The following IFT43 variants were observed in gnomAD, a reference collection of about 807,000 sequenced individuals.
The protein encoded by IFT43 is intraflagellar transport 43, also known as intraflagellar transport protein 43 homolog.
IFT43 carries 33 observed loss-of-function variants against 32.3 expected under a neutral mutation model. That is an observed-to-expected ratio of 1.02 (90% confidence interval 0.77 to 1.37). IFT43 has a LOEUF of 1.37. Ranked by LOEUF, IFT43 falls within the 40% of genes most tolerant of loss-of-function variation. The probability of loss-of-function intolerance (pLI) is 0.00; values close to 1 mark genes in which losing one functional copy is unlikely to be tolerated. For synonymous variants in IFT43, 93 were observed against 98.2 expected (o/e 0.95, Z 0.31); for missense variants, 274 against 265.9 (o/e 1.03, Z -0.21).
intron 5 of IFT43, among the ~76,000 whole-genome samples, chr14:76,067,999 G>A (rs2037255855): frequency 6.6e-6 from 1 of 152,208 alleles, no homozygotes; most frequent in Non-Finnish European, 1.5e-5. Context: ...CTGCTCTGAA[G>A]GAGCACAGAA....
intron 2 of IFT43, among the ~76,000 whole-genome samples, chr14:76,009,905 A>C (rs935732783): frequency 3.9e-5 from 6 of 151,926 alleles, no homozygotes; most frequent in African/African-American, 1.2e-4. Flanking sequence ...AGCGATTCTC[A>C]TGCCTCAGCC....
At chr14:76,062,089 T>G (rs10130325) in intron 5 of IFT43, among the ~76,000 whole-genome samples, 115,178 of 130,716 alleles carry the variant, frequency 0.88, 50,640 homozygotes, top group African/African-American at 0.95. Context: ...TTTTTTTTTT[T>G]AAACAGAGTC....
chr14:76,081,417 C>T (rs530515869), intron 5 of IFT43, among the ~76,000 whole-genome samples: 9 of 152,296 alleles, frequency 5.9e-5, no homozygotes, highest in Admixed American at 2.0e-4. Context: ...CACCCCTGAC[C>T]GTTTAAAACA....
In IFT43 at chr14:76,083,302, C is replaced by T; in HGVS notation, c.507+13C>T. On this transcript the variant is annotated intron_variant, in intron 8 of 8. Coordinates refer to ENST00000314067, the MANE Select transcript of IFT43 (RefSeq NM_001102564.3). ...CGAAGTCCGGGAGGTACAGTGGTGG[C>T]AGCAATTCCCCGGTCTCTCAGCTCT... The T allele has an allele frequency of 6.2e-7, 1 of 1,611,344 alleles. No individual in the cohort carries two copies. Among genetic ancestry groups the T allele is most frequent in the Admixed American group, 1.7e-5 (1 of 60,018 alleles).
chr14:76,036,752 A>G (rs927174090), intron 3 of IFT43, among the ~76,000 whole-genome samples: 5 of 147,972 alleles, frequency 3.4e-5, no homozygotes, highest in African/African-American at 1.2e-4. Context: ...AACAATCACC[A>G]CCCCCCTATG....
At chr14:76,059,653 A>C in intron 5 of IFT43, 1 of 462,850 alleles carries the variant, frequency 2.2e-6, no homozygotes, top group Non-Finnish European at 4.0e-6. Context: ...TCCCTCTCTC[A>C]CTGGATGTTC....
intron 2 of IFT43, among the ~76,000 whole-genome samples, chr14:75,995,946 C>T (rs755401138): frequency 2.0e-5 from 3 of 152,112 alleles, no homozygotes; most frequent in South Asian, 2.1e-4. Context: ...TCCCTGGGGC[C>T]GGCCGCTGTG....
intron 3 of IFT43, among the ~76,000 whole-genome samples, chr14:76,025,964 T>C (rs1318533339): frequency 6.6e-6 from 1 of 152,076 alleles, no homozygotes; most frequent in Non-Finnish European, 1.5e-5. Flanking sequence ...CTAATTAAAG[T>C]AAAGCACTTC....
chr14:76,074,203 T>C (rs1012740289), intron 5 of IFT43, among the ~76,000 whole-genome samples: 1 of 152,218 alleles, frequency 6.6e-6, no homozygotes, highest in African/African-American at 2.4e-5. Context: ...CTGGCGGCTC[T>C]GAGAAGGTGC....
chr14:76,072,030 A>G lies in IFT43; in HGVS notation c.296-10265A>G, dbSNP rs1048142361. On this transcript the variant is annotated intron_variant, in intron 5 of 8. Transcript: ENST00000314067. ...AGCTTTACTTCTTGGCCATGTCCTC[A>G]GTTCTGTTGCTCCTCTCATTGTCAA... Among the ~76,000 whole-genome samples the G allele has an allele frequency of 9.2e-5, 14 of 152,208 alleles. No homozygotes were observed. The South Asian group carries it at 2.9e-3, about 32-fold the overall frequency.
chr14:76,029,566 CT>C (rs565163095), intron 3 of IFT43, among the ~76,000 whole-genome samples: 1 of 152,196 alleles, frequency 6.6e-6, no homozygotes, highest in South Asian at 2.1e-4. Context: ...ATTTCCTAGG[CT>C]TTCTTCTAGG....
chr14:76,073,614 T>C (rs191358485), intron 5 of IFT43, among the ~76,000 whole-genome samples: 34 of 152,296 alleles, frequency 2.2e-4, no homozygotes, highest in African/African-American at 7.9e-4. Context: ...TCTGTGTGTG[T>C]GTACTTGTCT....
chr14:76,043,299 AG>A (rs1349144155), intron 3 of IFT43, among the ~76,000 whole-genome samples: 1 of 152,222 alleles, frequency 6.6e-6, no homozygotes, highest in African/African-American at 2.4e-5. Context: ...GAACCACCAC[AG>A]GGTTTAGGAT....
At chr14:76,020,418 A>G (rs1008903533) in intron 2 of IFT43, among the ~76,000 whole-genome samples, 5 of 152,030 alleles carry the variant, frequency 3.3e-5, no homozygotes, top group African/African-American at 7.2e-5. Context: ...TAAAGGTGTC[A>G]TGTTTCCTTG....
At chr14:76,078,290 A>G (rs1040900790) in intron 5 of IFT43, among the ~76,000 whole-genome samples, 4 of 152,210 alleles carry the variant, frequency 2.6e-5, no homozygotes, top group African/African-American at 9.6e-5. Flanking sequence ...ATTACTACCT[A>G]TAATGTTACT....
intron 3 of IFT43, among the ~76,000 whole-genome samples, chr14:76,042,382 C>T (rs1173794954): frequency 1.3e-5 from 2 of 152,262 alleles, no homozygotes; most frequent in African/African-American, 2.4e-5. Context: ...GCTTTGCTGC[C>T]TTCTGTTTTT....
intron 3 of IFT43, among the ~76,000 whole-genome samples, chr14:76,034,205 G>A (rs2036558060): frequency 6.6e-6 from 1 of 152,174 alleles, no homozygotes; most frequent in Admixed American, 6.5e-5. Flanking sequence ...TATTTCTCAT[G>A]ATTCTGGAGG....
At chr14:76,067,133 G>A (rs2037237359) in intron 5 of IFT43, among the ~76,000 whole-genome samples, 1 of 152,164 alleles carries the variant, frequency 6.6e-6, no homozygotes, top group South Asian at 2.1e-4. Flanking sequence ...AGCCTCCCTT[G>A]CTTCATCCGT....
chr14:76,064,373 T>G (rs2037193027), intron 5 of IFT43, among the ~76,000 whole-genome samples: 1 of 152,264 alleles, frequency 6.6e-6, no homozygotes, highest in Non-Finnish European at 1.5e-5. Flanking sequence ...AGACTGCTTC[T>G]TCAGCCATTG....
Sources: gnomAD v4.1 joint callset for allele counts (sites outside exome capture counted in the v4.1 genomes callset) on GRCh38, gnomAD v4.1.1 for gene constraint, MANE v1.5 for transcripts, NCBI Gene and HGNC (gene_info 2026-07-23, HGNC 2026-07-21) for gene names.